Variants in ATG4A observed in about 807,000 individuals in gnomAD.
ATG4A encodes the protein autophagy related 4A cysteine peptidase, also known as cysteine protease ATG4A.
In ATG4A, 22 loss-of-function variants were observed where a neutral mutation model predicts 38.4. That is an observed-to-expected ratio of 0.57 (90% CI 0.41 to 0.82). The LOEUF (loss-of-function observed/expected upper bound fraction) is 0.82, where lower values mean the gene tolerates loss of function less well. Ranked by LOEUF, ATG4A falls within the 40% of genes least tolerant of loss-of-function variation. The pLI is 0.00. For synonymous variants in ATG4A, 86 were observed against 100.7 expected, an observed-to-expected ratio of 0.85 and a Z score of 0.88; for missense variants, 220 against 290.0, an observed-to-expected ratio of 0.76 and a Z score of 1.75.
chrX:108,111,535 G>A (rs1302479070), intron 1 of ATG4A, among the ~76,000 whole-genome samples: 1 of 111,709 alleles, frequency 9.0e-6, no homozygotes, highest in Non-Finnish European at 1.9e-5. Context: ...CTGCATAAGG[G>A]TTGCAATCAA....
chrX:108,150,085 T>C, intron 9 of ATG4A, 67 bp from the exon 10 acceptor site: 1 of 1,127,777 alleles, frequency 8.9e-7, no homozygotes, highest in Admixed American at 2.3e-5. Flanking sequence ...GAGTGCCTCC[T>C]CCCAACAACA....
At chrX:108,089,866 A>T (rs899403819), upstream of ATG4A, among the ~76,000 whole-genome samples, 12 of 112,047 alleles carry the variant, frequency 1.1e-4, no homozygotes, top group Middle Eastern at 4.6e-3. Context: ...AATAAAAATT[A>T]AAAAAGCTAT....
chrX:108,112,068 T>C (rs779510402), intron 1 of ATG4A, among the ~76,000 whole-genome samples: 70 of 111,959 alleles, frequency 6.3e-4, no homozygotes, highest in African/African-American at 2.0e-3. Flanking sequence ...TATTTTGATA[T>C]AGGCACACAA....
At chrX:108,090,179 C>A (rs754090276), upstream of ATG4A, among the ~76,000 whole-genome samples, 31 of 112,182 alleles carry the variant, frequency 2.8e-4, no homozygotes, top group Non-Finnish European at 3.6e-4. Flanking sequence ...AACTATGAGA[C>A]CATTATTACA....
At chrX:108,128,727 A>G (rs2032868793) in intron 2 of ATG4A, 54 bp from the exon 3 acceptor site, 1 of 824,522 alleles carries the variant, frequency 1.2e-6, no homozygotes, top group African/African-American at 2.1e-5. Context: ...TCAGAAGTAA[A>G]GGTGGGTATT....
intron 2 of ATG4A, among the ~76,000 whole-genome samples, 194 bp downstream of exon 2, chrX:108,126,381 C>T (rs969621949): frequency 6.4e-4 from 72 of 111,759 alleles, no homozygotes; most frequent in African/African-American, 2.2e-3. Flanking sequence ...CTTCCAAGGC[C>T]CTGAAAGGCC....
intron 1 of ATG4A, among the ~76,000 whole-genome samples, chrX:108,094,877 G>A (rs770471400): frequency 2.7e-5 from 3 of 112,626 alleles, no homozygotes; most frequent in African/African-American, 9.7e-5. Flanking sequence ...AACTGCTGCT[G>A]GAACTGTAGT....
intron 1 of ATG4A, among the ~76,000 whole-genome samples, chrX:108,101,740 C>T (rs982666226): frequency 1.8e-5 from 2 of 108,557 alleles, no homozygotes; most frequent in Non-Finnish European, 3.8e-5. Context: ...TCCCCATTTC[C>T]CACCCCCCAC....
chrX:108,113,220 C>A (rs893560791), intron 1 of ATG4A, among the ~76,000 whole-genome samples: 3 of 111,952 alleles, frequency 2.7e-5, no homozygotes, highest in Non-Finnish European at 3.8e-5. Context: ...TTCCTTCTTT[C>A]AAGCTCCTTG....
chrX:108,124,355 A>G (rs2032739912), intron 1 of ATG4A, among the ~76,000 whole-genome samples: 1 of 112,742 alleles, frequency 8.9e-6, no homozygotes, highest in Non-Finnish European at 1.9e-5. Context: ...AAATATATTG[A>G]GGAGAAGGGC....
At chrX:108,136,855 G>A (rs968105454) in intron 6 of ATG4A, among the ~76,000 whole-genome samples, 7 of 111,424 alleles carry the variant, frequency 6.3e-5, no homozygotes, top group African/African-American at 2.3e-4. Context: ...ACTTCTCCAG[G>A]TTGTAAAGCA....
chrX:108,090,960 T>C (rs2031595948), upstream of ATG4A, among the ~76,000 whole-genome samples: 1 of 112,956 alleles, frequency 8.9e-6, no homozygotes, highest in African/African-American at 3.2e-5. Context: ...TACCACAATT[T>C]GTAATCGGAC....
chrX:108,122,665 G>T (rs1235400248), intron 1 of ATG4A, among the ~76,000 whole-genome samples: 1 of 111,622 alleles, frequency 9.0e-6, no homozygotes, highest in Non-Finnish European at 1.9e-5. Flanking sequence ...CCCCCCACTT[G>T]TAAGACTTTA....
intron 9 of ATG4A, 117 bp from the exon 10 acceptor site, chrX:108,150,035 T>C: frequency 2.3e-6 from 2 of 883,409 alleles, no homozygotes; most frequent in African/African-American, 4.0e-5. Context: ...TTTCTGTCAT[T>C]CCATTCTCAT....
intron 1 of ATG4A, among the ~76,000 whole-genome samples, chrX:108,106,926 C>T (rs2032192147): frequency 9.0e-6 from 1 of 111,417 alleles, no homozygotes; most frequent in Non-Finnish European, 1.9e-5. Context: ...AGGCTTACGT[C>T]TTTTGCCAAA....
At chrX:108,140,473 G>A (rs2033207279) in intron 9 of ATG4A, among the ~76,000 whole-genome samples, 1 of 108,936 alleles carries the variant, frequency 9.2e-6, no homozygotes, top group Admixed American at 1.0e-4. Context: ...GGGAAGAGAT[G>A]CAAATTGCCA....
chrX:108,122,243 C>A, intron 1 of ATG4A, among the ~76,000 whole-genome samples: 1 of 111,723 alleles, frequency 9.0e-6, no homozygotes, highest in African/African-American at 3.3e-5. Context: ...TCCAAATAAC[C>A]CTTAGAAATG....
rs747227957 is a variant in ATG4A, at chrX:108,091,791, T to A, written c.-36T>A. The A allele has an allele frequency of 1.9e-5, 23 of 1,210,406 alleles. No homozygotes were observed. The South Asian group carries it at 4.0e-4, about 21-fold the overall frequency. Reference sequence around the variant, plus strand: ...TAGCGACCGTCCGTCCGTAGTCAAGTTGCCGGTGGAATTGGCCCAGGATGA... The same window carrying A: ...TAGCGACCGTCCGTCCGTAGTCAAGATGCCGGTGGAATTGGCCCAGGATGA... On this transcript the variant is annotated 5_prime_UTR_variant, in exon 1 of 13. The change creates a new upstream start codon in the 5' untranslated region. Transcript: ENST00000372232.
rs1161722784 is a variant in ATG4A, at chrX:108,141,094, A to G, written c.814+2903A>G. ...TACATATATATATATATATATATAT[A>G]TATATATATATATATCACTAAGGAA... On this transcript the variant is annotated intron_variant, in intron 9 of 12. Coordinates refer to ENST00000372232, the MANE Select transcript of ATG4A (RefSeq NM_052936.5). Among the ~76,000 whole-genome samples the G allele has an allele frequency of 2.0e-3, 163 of 79,529 alleles. 1 individual carries two copies. The highest frequency in any genetic ancestry group is 7.6e-3 in the African/African-American group (160 of 20,930). The allele number at this position is 79,529 out of a possible 115,157, so 69.1% of individuals were successfully genotyped here. A position where few individuals can be genotyped will look rare whatever the true frequency, so the allele number is the denominator to read the frequency against.
Sources: gnomAD v4.1 joint callset for allele counts (sites outside exome capture counted in the v4.1 genomes callset) on GRCh38, gnomAD v4.1.1 for gene constraint, MANE v1.5 for transcripts, NCBI Gene and HGNC (gene_info 2026-07-23, HGNC 2026-07-21) for gene names.